Variants in RSU1 observed in about 807,000 individuals in gnomAD.
RSU1 encodes Ras suppressor protein 1.
RSU1 carries 26 observed loss-of-function variants against 31.1 expected under a neutral mutation model. The observed-to-expected ratio is 0.84, with a 90% CI of 0.61 to 1.16. RSU1 has a LOEUF of 1.16. Ranked by LOEUF, RSU1 falls within the 50% of genes most tolerant of loss-of-function variation. The pLI, the probability that RSU1 is intolerant of heterozygous loss-of-function variation, is 0.00. For synonymous variants in RSU1, 164 were observed against 136.3 expected (o/e 1.20, Z -1.41); for missense variants, 320 against 339.1 (o/e 0.94, Z 0.44).
Position 16,662,445 on chromosome 10 carries a change from C to T in RSU1, c.731+32578G>A, listed in dbSNP as rs1247890774. 2.0e-5 allele frequency among the ~76,000 whole-genome samples: 3 copies of T among 152,216 alleles called. No individual in the cohort carries two copies. The South Asian group carries it at 6.2e-4, about 31-fold the overall frequency. ...CATATATTTTTGGTAAATAACTCAG[C>T]TTGTTCCTGACTGCCCATAGACTTC... On this transcript the variant is annotated intron_variant, in intron 8 of 8. Coordinates refer to ENST00000345264, the MANE Select transcript of RSU1 (RefSeq NM_012425.4).
chr10:16,606,829 C>G (rs1309353741), intron 8 of RSU1, among the ~76,000 whole-genome samples: 3 of 152,206 alleles, frequency 2.0e-5, no homozygotes, highest in African/African-American at 7.2e-5. Context: ...TAGAAGCATA[C>G]CATACATAGT....
At position 16,740,857 on chromosome 10, in the gene RSU1, G is replaced by A. The variant is rs563859337; in HGVS notation, c.598+11682C>T. Among the ~76,000 whole-genome samples the A allele has an allele frequency of 4.6e-5, 7 of 152,254 alleles. No individual in the cohort carries two copies. The East Asian group carries it at 1.2e-3, about 25-fold the overall frequency. On this transcript the variant is annotated intron_variant, in intron 7 of 8. Transcript: ENST00000345264. ...CCCATGTTCATGGATCTGAACTGAA[G>A]CCTTCATATTGTTGAGATTATGATA...
intron 2 of RSU1, among the ~76,000 whole-genome samples, chr10:16,816,538 A>G (rs1838536107): frequency 6.6e-6 from 1 of 152,240 alleles, no homozygotes; most frequent in African/African-American, 2.4e-5. Context: ...AGAAGAATGT[A>G]AAGATTCAAG....
rs528387085 is a variant in RSU1 at position 16,817,415 on chromosome 10, A to C, written c.-104T>G. The C allele has an allele frequency of 3.8e-6, 1 of 261,016 alleles. No homozygotes were observed. The highest frequency in any genetic ancestry group is 5.2e-5 in the Admixed American group (1 of 19,264). 16.2% of individuals were successfully genotyped at this position (261,016 alleles called of 1,614,324 possible). On this transcript the variant is annotated 5_prime_UTR_variant, in exon 1 of 9. Transcript: ENST00000345264. ...CCTGCAACACCGGCACTGAACAGCGAACACGCCCTGTCTCGGCGCCCCGCG... is the reference window on the plus strand; with the variant it reads ...CCTGCAACACCGGCACTGAACAGCGCACACGCCCTGTCTCGGCGCCCCGCG...
At chr10:16,728,411 C>A (rs1836438803) in intron 7 of RSU1, among the ~76,000 whole-genome samples, 1 of 152,126 alleles carries the variant, frequency 6.6e-6, no homozygotes. Flanking sequence ...TACCCAGACC[C>A]AAATCCCAGT....
chr10:16,655,278 T>C (rs898119791), intron 8 of RSU1, among the ~76,000 whole-genome samples: 1 of 152,126 alleles, frequency 6.6e-6, no homozygotes, highest in African/African-American at 2.4e-5. Flanking sequence ...GCAAAACCAC[T>C]GCTAATATTT....
At chr10:16,793,269 T>G (rs1262662449) in intron 2 of RSU1, among the ~76,000 whole-genome samples, 2 of 152,218 alleles carry the variant, frequency 1.3e-5, no homozygotes, top group African/African-American at 2.4e-5. Flanking sequence ...TTTGAATACT[T>G]GACTGAATTC....
chr10:16,803,289 T>C (rs746004775), intron 2 of RSU1, among the ~76,000 whole-genome samples: 1 of 152,140 alleles, frequency 6.6e-6, no homozygotes, highest in East Asian at 1.9e-4. Flanking sequence ...TATTTAGATA[T>C]ATAGCTAACA....
chr10:16,817,283 G>C, intron 1 of RSU1, 32 bp downstream of exon 1: 2 of 577,930 alleles, frequency 3.5e-6, no homozygotes, highest in Non-Finnish European at 6.2e-6. Context: ...GCAGCGAGAA[G>C]CAACCCCAAG....
At chr10:16,755,115 C>CCTG in intron 4 of RSU1, 126 bp from the exon 5 acceptor site, 1 of 527,846 alleles carries the variant, frequency 1.9e-6, no homozygotes, top group South Asian at 3.6e-5. Context: ...TCACTTTATA[C>CCTG]TTTATTTTTA....
At chr10:16,727,755 C>T (rs1019113634) in intron 7 of RSU1, among the ~76,000 whole-genome samples, 5 of 152,132 alleles carry the variant, frequency 3.3e-5, no homozygotes, top group African/African-American at 9.7e-5. Context: ...CAAACGGCAT[C>T]GTGCTAATGA....
intron 8 of RSU1, among the ~76,000 whole-genome samples, chr10:16,667,576 T>A (rs1378035528): frequency 6.6e-6 from 1 of 151,942 alleles, no homozygotes; most frequent in Admixed American, 6.6e-5. Flanking sequence ...CAACCTTTGC[T>A]TCCTGGGTTC....
chr10:16,709,386 A>G (rs890358319), intron 7 of RSU1, among the ~76,000 whole-genome samples: 9 of 152,152 alleles, frequency 5.9e-5, no homozygotes, highest in African/African-American at 2.2e-4. Flanking sequence ...TTCTTAATCC[A>G]GTCTATCATT....
chr10:16,596,605 C>T lies in RSU1; in HGVS notation c.732-3109G>A, dbSNP rs1833618638. On this transcript the variant is annotated intron_variant, in intron 8 of 8. Coordinates refer to ENST00000345264, the MANE Select transcript of RSU1 (RefSeq NM_012425.4). ...TACGGCCTAGGTAGCTTCAGCTACA[C>T]ACACAGCTTCCTTCCAGCCTCAGAG... is the stretch of plus-strand genomic sequence containing the variant. 3.9e-5 allele frequency among the ~76,000 whole-genome samples: 6 copies of T among 152,248 alleles called. No individual in the cohort carries two copies. The South Asian group carries it at 1.2e-3, about 31-fold the overall frequency.
At chr10:16,659,031 A>G (rs1834838759) in intron 8 of RSU1, among the ~76,000 whole-genome samples, 1 of 152,184 alleles carries the variant, frequency 6.6e-6, no homozygotes. Flanking sequence ...GTATATTAGC[A>G]AGTCATGTTT....
intron 7 of RSU1, among the ~76,000 whole-genome samples, chr10:16,727,465 T>C (rs923472872): frequency 5.3e-5 from 8 of 152,100 alleles, no homozygotes; most frequent in Admixed American, 3.3e-4. Context: ...TGTTCAATCA[T>C]GGATTGCCGC....
intron 7 of RSU1, among the ~76,000 whole-genome samples, chr10:16,730,233 G>A (rs191367632): frequency 3.3e-5 from 5 of 152,208 alleles, no homozygotes; most frequent in Admixed American, 6.5e-5. Flanking sequence ...AGAGGGATCC[G>A]CCCCAATGTC....
At chr10:16,785,212 G>A (rs1305631663) in intron 2 of RSU1, among the ~76,000 whole-genome samples, 1 of 151,934 alleles carries the variant, frequency 6.6e-6, no homozygotes, top group Non-Finnish European at 1.5e-5. Context: ...GGCTAAACTG[G>A]CTTAGTCTCC....
At chr10:16,729,565 C>T (rs964142675) in intron 7 of RSU1, among the ~76,000 whole-genome samples, 1 of 152,164 alleles carries the variant, frequency 6.6e-6, no homozygotes, top group Non-Finnish European at 1.5e-5. Flanking sequence ...TGCCCGCCCC[C>T]GTCTTCGCTA....
Sources: allele counts gnomAD v4.1 joint callset (sites outside exome capture counted in the v4.1 genomes callset), GRCh38; gene constraint gnomAD v4.1.1; transcripts MANE v1.5; gene names NCBI Gene and HGNC (gene_info 2026-07-23, HGNC 2026-07-21).